COL2A1: variants seen among roughly 807,000 people sequenced by gnomAD.
COL2A1 encodes the protein collagen type II alpha 1 chain.
In COL2A1, 28 loss-of-function variants were observed where a neutral mutation model predicts 204.5. That is an observed-to-expected ratio of 0.14 (90% CI 0.10 to 0.19). COL2A1 has a LOEUF of 0.19. COL2A1 is among the 10% of genes least tolerant of loss of function. The pLI is 1.00. For synonymous variants in COL2A1, 708 were observed against 718.7 expected (o/e 0.99, Z 0.24); for missense variants, 1,388 against 2,027.5 (o/e 0.68, Z 6.06).
At chr12:47,977,933 T>TCCAGGGC in intron 44 of COL2A1, 77 bp downstream of exon 44, 1 of 1,377,456 alleles carries the variant, frequency 7.3e-7, no homozygotes, top group East Asian at 2.4e-5. Context: ...CTGGGACTTG[T>TCCAGGGC]CCTTGCTGAC....
chr12:47,979,180 C>T (rs559813022), intron 41 of COL2A1, among the ~76,000 whole-genome samples: 13 of 152,222 alleles, frequency 8.5e-5, no homozygotes, highest in South Asian at 2.1e-4. Flanking sequence ...TCCCTGAGAG[C>T]GACCCAGGAC....
chr12:47,994,476 C>T lies in COL2A1; in HGVS notation c.764G>A (p.Gly255Asp). 6.2e-7 allele frequency: 1 copy of T among 1,613,914 alleles called. No homozygotes were observed. Among genetic ancestry groups the T allele is most frequent in the Non-Finnish European group, 8.5e-7 (1 of 1,180,014 alleles). The change falls in exon 12 of 54, where the codon GGT becomes GAT. Residue 255 changes from glycine to aspartate, a missense_variant and splice_region_variant. This residue lies in a region of COL2A1 where 884 missense variants were observed against 1,415.8 expected (regional missense o/e 0.62). Transcript: ENST00000380518. The part of the protein sequence containing the change: ...PGPPGKPGDD[G>D]EAGKPGKAGE... ...AGCTTTTCCAGGTTTTCCAGCTTCA[C>T]CCTGAAGGGAGAGAGAGAGATATCC...
chr12:47,983,690 C>T lies in COL2A1; in HGVS notation c.1988G>A (p.Gly663Glu). 6.2e-7 allele frequency: 1 copy of T among 1,600,066 alleles called. No homozygotes were observed. The highest frequency in any genetic ancestry group is 8.5e-7 in the Non-Finnish European group (1 of 1,173,360). ...RGEQGAPGPS[G>E]FQGLPGPPGP... ...CCTGGTCCAGCCACCTACCTGGAAC[C>T]CAGATGGCCCAGGAGCACCCTGCTC... The change falls in exon 30 of 54, where the codon GGG (glycine) becomes GAG (glutamate). Residue 663 changes from glycine to glutamate, a missense_variant. This residue lies in a region of COL2A1 where 884 missense variants were observed against 1,415.8 expected (regional missense o/e 0.62). Transcript: ENST00000380518.
In COL2A1 at chr12:47,973,491, G is replaced by C. The variant is rs145524810; in HGVS notation, c.4380C>G (p.Leu1460=). 7.4e-6 allele frequency: 12 copies of C among 1,614,028 alleles called. No individual in the cohort carries two copies. The African/African-American group carries it at 1.6e-4, about 22-fold the overall frequency. Residue 1460 remains leucine (L), a synonymous_variant, in exon 54 of 54, where the codon CTC becomes CTG. Transcript: ENST00000380518. ...CCATGGGTGCAATGTCAATGATGGGGAGGCGTGAGGTCTTCTGTGACCGGT... is the reference window on the plus strand; with the variant it reads ...CCATGGGTGCAATGTCAATGATGGGCAGGCGTGAGGTCTTCTGTGACCGGT... ...IEYRSQKTSR[L]PIIDIAPMDI... is the part of the protein sequence containing the mutation.
At chr12:48,004,586 C>T (rs1027302093), upstream of COL2A1, 1 of 360,004 alleles carries the variant, frequency 2.8e-6, no homozygotes, top group Non-Finnish European at 5.1e-6. Context: ...GTAACCTGAA[C>T]CGCCCGCCCC....
rs567132968 is a variant in COL2A1 at position 47,997,609 on chromosome 12, A to T, written c.528T>A (p.Gly176=). 9.6e-5 allele frequency: 155 copies of T among 1,613,874 alleles called. No homozygotes were observed. The South Asian group carries it at 1.5e-3, about 15-fold the overall frequency. Residue 176 remains glycine, a synonymous_variant, in exon 7 of 54, where the codon GGT becomes GGA. Transcript: ENST00000380518. ...PPGPPGPPGL[G]GNFAAQMAGG... ...AATGGGAAGTAAGGATACTTACTCC[A>T]CCAAGACCAGGGGGACCAGGGGGGC...
rs895439796 is a variant in COL2A1 at position 47,977,111 on chromosome 12, C to G, written c.3318G>C (p.Arg1106=). The change falls in exon 47 of 54, where the codon CGG becomes CGC. Residue 1106 remains arginine (R), a synonymous_variant. Coordinates refer to ENST00000380518, the MANE Select transcript of COL2A1 (RefSeq NM_001844.5). ...PMGPSGPAGA[R]GIQGPQGPRG... ...ACACTTGGATACTCACCTGGATTCC[C>G]CGGGCTCCAGCTGGTCCTGAGGGTC... is the stretch of plus-strand genomic sequence containing the variant. 2.5e-6 allele frequency: 4 copies of G among 1,608,100 alleles called. No homozygotes were observed. Among genetic ancestry groups the G allele is most frequent in the Non-Finnish European group, 3.4e-6 (4 of 1,177,884 alleles).
intron 18 of COL2A1, 102 bp downstream of exon 18, chr12:47,989,126 G>T (rs12367149): frequency 1.0e-6 from 1 of 1,004,104 alleles, no homozygotes; most frequent in Non-Finnish European, 1.5e-6. Flanking sequence ...CTACTTCTCA[G>T]AAGGGAGCAG....
intron 53 of COL2A1, 79 bp from the exon 54 acceptor site, chr12:47,973,632 G>T: frequency 6.5e-7 from 1 of 1,546,484 alleles, no homozygotes; most frequent in Non-Finnish European, 8.9e-7. Flanking sequence ...GCCCAAAACT[G>T]AACAAACTGG....
intron 1 of COL2A1, among the ~76,000 whole-genome samples, 157 bp from the exon 2 acceptor site, chr12:48,000,282 T>A (rs1204612896): frequency 1.3e-5 from 2 of 152,220 alleles, no homozygotes; most frequent in Admixed American, 1.3e-4. Flanking sequence ...TAAAAATTAT[T>A]TTCCTAAAAC....
At chr12:47,984,454 C>T (rs1939271268) in intron 28 of COL2A1, 92 bp downstream of exon 28, 1 of 1,345,862 alleles carries the variant, frequency 7.4e-7, no homozygotes, top group Admixed American at 1.8e-5. Context: ...ACTGAGGGGT[C>T]CCGGGACCAT....
Position 47,975,546 on chromosome 12 carries a change from G to A in COL2A1, c.3657C>T (p.Asp1219=), listed in dbSNP as rs763932844. ...GPPGPPGPGI[D]MSAFAGLGPR... is the part of the protein sequence containing the mutation. The stretch of plus-strand genomic sequence containing the variant: ...GGCCTAAGCCAGCAAAGGCGGACAT[G>A]TCGATGCCAGGGCCAGGGGGACCTG... The change falls in exon 51 of 54, where the codon GAC becomes GAT. Residue 1219 remains aspartate, a synonymous_variant. Transcript: ENST00000380518. The A allele has an allele frequency of 1.9e-6, 3 of 1,605,574 alleles. No individual in the cohort carries two copies. The South Asian group carries it at 3.3e-5, about 18-fold the overall frequency.
intron 10 of COL2A1, 53 bp downstream of exon 10, chr12:47,995,657 G>T (rs1417188237): frequency 1.2e-5 from 18 of 1,544,742 alleles, no homozygotes; most frequent in Non-Finnish European, 1.6e-5. Flanking sequence ...GGTCCTAGTG[G>T]TCTATCATTA....
At chr12:48,003,767 G>C (rs999951118) in intron 1 of COL2A1, among the ~76,000 whole-genome samples, 1 of 152,216 alleles carries the variant, frequency 6.6e-6, no homozygotes, top group African/African-American at 2.4e-5. Context: ...TGGACAGGCT[G>C]TGAAGTCAAC....
upstream of COL2A1, among the ~76,000 whole-genome samples, chr12:48,004,854 C>G (rs890220852): frequency 6.6e-6 from 1 of 152,136 alleles, no homozygotes; most frequent in Non-Finnish European, 1.5e-5. Flanking sequence ...AGGCGCAGGC[C>G]GAGAGCCCTA....
intron 14 of COL2A1, 85 bp from the exon 15 acceptor site, chr12:47,993,587 G>A: frequency 7.8e-7 from 1 of 1,288,544 alleles, no homozygotes; most frequent in Non-Finnish European, 1.1e-6. Context: ...AAAAGCCCTG[G>A]TCATCTCAGC....
intron 1 of COL2A1, 121 bp from the exon 2 acceptor site, chr12:48,000,246 C>T (rs1364857233): frequency 1.4e-6 from 1 of 717,496 alleles, no homozygotes; most frequent in African/African-American, 1.8e-5. Context: ...AGAATGTAGG[C>T]TGGGGCCACC....
intron 10 of COL2A1, 83 bp downstream of exon 10, chr12:47,995,627 C>T: frequency 7.4e-7 from 1 of 1,357,490 alleles, no homozygotes; most frequent in Non-Finnish European, 1.1e-6. Flanking sequence ...TGGGCAGAGC[C>T]TGGGAGGGAC....
chr12:47,988,168 C>A (rs1319247547), intron 18 of COL2A1, among the ~76,000 whole-genome samples: 1 of 152,204 alleles, frequency 6.6e-6, no homozygotes, highest in Non-Finnish European at 1.5e-5. Context: ...GCTCAGAGCA[C>A]CACCTCACTC....
Sources: allele counts gnomAD v4.1 joint callset (sites outside exome capture counted in the v4.1 genomes callset), GRCh38; gene constraint gnomAD v4.1.1; regional missense constraint gnomAD v4.1.1; transcripts MANE v1.5; gene names NCBI Gene and HGNC (gene_info 2026-07-23, HGNC 2026-07-21).